The following TF variants were observed in gnomAD, a reference collection of about 807,000 sequenced individuals.
TF encodes transferrin.
TF carries 55 observed loss-of-function variants against 82.4 expected under a neutral mutation model. That is an observed-to-expected ratio of 0.67 (90% CI 0.54 to 0.84). TF has a LOEUF of 0.84. TF is among the 40% of genes least tolerant of loss of function. The pLI, the probability that TF is intolerant of heterozygous loss-of-function variation, is 0.00. For synonymous variants in TF, 332 were observed against 332.6 expected (o/e 1.00, Z 0.02); for missense variants, 737 against 868.4 (o/e 0.85, Z 1.90).
Position 133,791,965 on chromosome 3 carries a change from T to C in TF, c.*13345T>C, listed in dbSNP as rs892753761. 1.1e-4 allele frequency: 17 copies of C among 152,228 alleles called. No homozygotes were observed. The highest frequency in any genetic ancestry group is 4.1e-4 in the African/African-American group (17 of 41,466). 9.4% of individuals were successfully genotyped at this position (152,228 alleles called of 1,614,324 possible). A position where few individuals can be genotyped will look rare whatever the true frequency, so the allele number is the denominator to read the frequency against. On this transcript the variant is annotated 3_prime_UTR_variant, in exon 17 of 17. Coordinates refer to ENST00000402696, the MANE Select transcript of TF (RefSeq NM_001063.4). ...TTTACTTCATGTAACTTAAGTAATC[T>C]TTGGGAAATAAAGACAGTTTTAAAG...
At chr3:133,738,511 G>A in the TF span, among the ~76,000 whole-genome samples, 2 of 152,208 alleles carry the variant, frequency 1.3e-5, no homozygotes, top group South Asian at 2.1e-4. Context: ...TAGGAAGAGA[G>A]GAAGTCAAAT....
the TF span, among the ~76,000 whole-genome samples, chr3:133,704,632 G>A: frequency 6.6e-6 from 1 of 152,272 alleles, no homozygotes; most frequent in East Asian, 1.9e-4. Flanking sequence ...AGGAAAATGG[G>A]TCTGATGGCT....
At chr3:133,742,722 A>G (rs1933416292), upstream of TF, among the ~76,000 whole-genome samples, 1 of 152,212 alleles carries the variant, frequency 6.6e-6, no homozygotes, top group Non-Finnish European at 1.5e-5. Context: ...GGAACTGCTC[A>G]AAACAGACAG....
rs1559882880 is a variant in TF at position 133,784,486 on chromosome 3, T to TA, written c.*5868dup. On this transcript the variant is annotated 3_prime_UTR_variant, in exon 17 of 17. Coordinates refer to ENST00000402696, the MANE Select transcript of TF (RefSeq NM_001063.4). ...TTTGTTAAAAAAATAATAATAATAA[T>TA]AATAATAATAATAATAATAATAGGA... is the stretch of plus-strand genomic sequence containing the variant. 6.2e-5 allele frequency: 8 copies of TA among 129,974 alleles called. No homozygotes were observed. The highest frequency in any genetic ancestry group is 1.2e-4 in the Non-Finnish European group (7 of 59,170). The allele number at this position is 129,974 out of a possible 1,614,324, so 8.1% of individuals were successfully genotyped here.
the TF span, among the ~76,000 whole-genome samples, chr3:133,711,915 G>A: frequency 3.8e-4 from 57 of 151,860 alleles, 1 homozygote; most frequent in Admixed American, 2.5e-3. Context: ...TCTCTGTGCC[G>A]TGCCTCCACC....
At chr3:133,773,906 C>T (rs983343957) in intron 14 of TF, 5 of 152,280 alleles carry the variant, frequency 3.3e-5, no homozygotes, top group African/African-American at 9.7e-5. Flanking sequence ...ACACCAGGCA[C>T]ACACCTGCCC....
chr3:133,731,502 C>G, the TF span, among the ~76,000 whole-genome samples: 1 of 152,208 alleles, frequency 6.6e-6, no homozygotes, highest in Admixed American at 6.5e-5. Context: ...ACTAAATGGT[C>G]TCTCAGGGTG....
At chr3:133,691,357 C>A in the TF span, among the ~76,000 whole-genome samples, 4 of 152,290 alleles carry the variant, frequency 2.6e-5, no homozygotes, top group Admixed American at 6.5e-5. Flanking sequence ...TTATTGAACA[C>A]CTACCTGTGC....
At chr3:133,766,841 G>A (rs8177282) in intron 12 of TF, among the ~76,000 whole-genome samples, 2,236 of 152,256 alleles carry the variant, frequency 0.015, 53 homozygotes, top group African/African-American at 0.05. Flanking sequence ...GGCAGCCCCA[G>A]TCACCAAGGG....
the TF span, chr3:133,662,506 G>A: frequency 6.6e-6 from 1 of 152,244 alleles, no homozygotes; most frequent in Non-Finnish European, 1.5e-5. Flanking sequence ...TTATTACACA[G>A]CTAATGCAAA....
chr3:133,749,122 C>T (rs1435460486), intron 2 of TF, among the ~76,000 whole-genome samples: 1 of 152,172 alleles, frequency 6.6e-6, no homozygotes, highest in Non-Finnish European at 1.5e-5. Flanking sequence ...GATCCTGCCA[C>T]TGCACTCCAG....
Position 133,748,545 on chromosome 3 carries a change from G to A in TF, c.177G>A (p.Val59=), listed in dbSNP as rs765486421. The change falls in exon 2 of 17, where the codon GTG becomes GTA. Residue 59 remains valine (V), a synonymous_variant. Transcript: ENST00000402696. Reference sequence around the variant, plus strand: ...CCGATGGTCCCAGTGTTGCTTGTGTGAAGAAAGCCTCCTACCTTGATTGCA... The same window carrying A: ...CCGATGGTCCCAGTGTTGCTTGTGTAAAGAAAGCCTCCTACCTTGATTGCA... ...IPSDGPSVAC[V]KKASYLDCIR... 15 of 1,613,992 alleles carry A rather than the reference G, an allele frequency of 9.3e-6. No homozygotes were observed. In the Admixed American group the frequency reaches 2.5e-4, roughly 27 times the overall value.
At chr3:133,746,360 T>G, upstream of TF, 1 of 1,507,498 alleles carries the variant, frequency 6.6e-7, no homozygotes, top group South Asian at 1.2e-5. Context: ...AGGCCGGGAA[T>G]GGAATAAAGG....
chr3:133,767,326 C>T (rs1053935272), intron 12 of TF, among the ~76,000 whole-genome samples: 3 of 152,176 alleles, frequency 2.0e-5, no homozygotes, highest in African/African-American at 7.2e-5. Context: ...TTCCTAAGTA[C>T]TTTGTCCCTG....
In TF at chr3:133,766,352, T is replaced by C. The variant is rs1283230889; in HGVS notation, c.1405T>C (p.Cys469Arg). 1.2e-6 allele frequency: 2 copies of C among 1,614,114 alleles called. No individual in the cohort carries two copies. Among genetic ancestry groups the C allele is most frequent in the Non-Finnish European group, 1.7e-6 (2 of 1,180,050 alleles). ...TWDNLKGKKS[C>R]HTAVGRTAGW... ...GGACAATCTGAAAGGCAAGAAGTCCTGCCATACGGCAGTTGGCAGAACCGC... is the reference window on the plus strand; with the variant it reads ...GGACAATCTGAAAGGCAAGAAGTCCCGCCATACGGCAGTTGGCAGAACCGC... The change falls in exon 12 of 17, where the codon TGC becomes CGC. Residue 469 changes from cysteine (C) to arginine (R), a missense_variant. Physicochemically the swap from Cys to Arg is radical, Grantham distance 180. Coordinates refer to ENST00000402696, the MANE Select transcript of TF (RefSeq NM_001063.4).
the TF span, among the ~76,000 whole-genome samples, chr3:133,706,779 C>A: frequency 0.016 from 2,400 of 152,144 alleles, 63 homozygotes; most frequent in African/African-American, 0.055. Context: ...GTCATAGGAC[C>A]CTGCACAGCC....
At chr3:133,678,595 A>G in the TF span, among the ~76,000 whole-genome samples, 2 of 152,042 alleles carry the variant, frequency 1.3e-5, no homozygotes, top group Non-Finnish European at 2.9e-5. Context: ...TTTGATTTGC[A>G]TTTCTCTAAT....
At chr3:133,741,550 A>G (rs534439285), upstream of TF, among the ~76,000 whole-genome samples, 45 of 152,324 alleles carry the variant, frequency 3.0e-4, no homozygotes, top group Middle Eastern at 6.8e-3. Flanking sequence ...TGATTTCTGT[A>G]GATTTTTATG....
chr3:133,767,199 C>T (rs1934148915), intron 12 of TF, among the ~76,000 whole-genome samples: 3 of 152,202 alleles, frequency 2.0e-5, no homozygotes, highest in Admixed American at 2.0e-4. Flanking sequence ...GAAATCACCT[C>T]ATTTTCTATG....
Sources: allele counts gnomAD v4.1 joint callset (sites outside exome capture counted in the v4.1 genomes callset), GRCh38; gene constraint gnomAD v4.1.1; transcripts MANE v1.5; gene names NCBI Gene and HGNC (gene_info 2026-07-23, HGNC 2026-07-21).